Variants in ADAMTSL3 observed in about 807,000 individuals in gnomAD.
ADAMTSL3 encodes ADAMTS-like protein 3.
ADAMTSL3 carries 128 observed loss-of-function variants against 201.7 expected under a neutral mutation model. The observed-to-expected ratio is 0.63, with a 90% confidence interval of 0.55 to 0.73. The LOEUF is 0.73. Among genes scored for constraint, ADAMTSL3 ranks in the 30% least tolerant of loss-of-function variants. The pLI is 0.00. For missense variants in ADAMTSL3, 1,990 were observed against 2,119.6 expected, an observed-to-expected ratio of 0.94 and a Z score of 1.20; for synonymous variants, 738 against 748.4, an observed-to-expected ratio of 0.99 and a Z score of 0.23.
intron 2 of ADAMTSL3, among the ~76,000 whole-genome samples, chr15:83,690,087 G>T (rs540833515): frequency 2.6e-5 from 4 of 152,072 alleles, no homozygotes; most frequent in African/African-American, 9.6e-5. Flanking sequence ...ATTTTTTCTT[G>T]AGTTCTGAGA....
chr15:83,882,631 A>G (rs1400307155), intron 9 of ADAMTSL3, among the ~76,000 whole-genome samples: 2 of 152,104 alleles, frequency 1.3e-5, no homozygotes, highest in African/African-American at 2.4e-5. Context: ...TCATTGATTA[A>G]TGATTGGTCA....
intron 23 of ADAMTSL3, among the ~76,000 whole-genome samples, chr15:83,999,064 G>A (rs1030035294): frequency 3.3e-5 from 5 of 152,112 alleles, no homozygotes; most frequent in Non-Finnish European, 5.9e-5. Flanking sequence ...GGAAAGCATA[G>A]CAAAGTATCA....
At chr15:83,983,420 T>G (rs1469972201) in intron 21 of ADAMTSL3, 76 bp downstream of exon 21, 2 of 1,099,792 alleles carry the variant, frequency 1.8e-6, no homozygotes, top group Non-Finnish European at 2.6e-6. Context: ...TGAAAATATT[T>G]TCAAATTCCT....
At chr15:83,899,785 A>T in intron 15 of ADAMTSL3, 54 bp downstream of exon 15, 1 of 1,576,154 alleles carries the variant, frequency 6.3e-7, no homozygotes, top group South Asian at 1.2e-5. Context: ...TTAACATGAT[A>T]TATGTAATTT....
intron 23 of ADAMTSL3, among the ~76,000 whole-genome samples, chr15:84,013,890 C>G (rs1441427839): frequency 6.6e-6 from 1 of 152,236 alleles, no homozygotes. Flanking sequence ...GAAATTCTTT[C>G]AATTCCTCAT....
At chr15:83,697,012 A>G (rs1292635960) in intron 2 of ADAMTSL3, among the ~76,000 whole-genome samples, 1 of 152,112 alleles carries the variant, frequency 6.6e-6, no homozygotes, top group Non-Finnish European at 1.5e-5. Context: ...GCGGTGTGAT[A>G]TTTGGCTGTG....
At chr15:83,998,126 G>A (rs2067722712) in intron 23 of ADAMTSL3, among the ~76,000 whole-genome samples, 1 of 152,070 alleles carries the variant, frequency 6.6e-6, no homozygotes, top group South Asian at 2.1e-4. Flanking sequence ...GAAAAATCCA[G>A]TTACCTATAT....
At chr15:83,847,653 G>A (rs2064527978) in intron 7 of ADAMTSL3, among the ~76,000 whole-genome samples, 1 of 151,940 alleles carries the variant, frequency 6.6e-6, no homozygotes. Flanking sequence ...GTGCCACCAT[G>A]CCCGGCTAAT....
intron 19 of ADAMTSL3, among the ~76,000 whole-genome samples, chr15:83,963,689 C>T (rs535635419): frequency 6.6e-6 from 1 of 152,360 alleles, no homozygotes; most frequent in South Asian, 2.1e-4. Flanking sequence ...AAGTGGGTCC[C>T]TGACCCCTGC....
intron 23 of ADAMTSL3, among the ~76,000 whole-genome samples, chr15:84,011,472 G>A (rs546587156): frequency 6.6e-6 from 1 of 152,192 alleles, no homozygotes; most frequent in Non-Finnish European, 1.5e-5. Flanking sequence ...TGGAGGATGG[G>A]AAGTCCAAGA....
At chr15:83,856,179 T>C (rs541018705) in intron 7 of ADAMTSL3, among the ~76,000 whole-genome samples, 69 of 132,702 alleles carry the variant, frequency 5.2e-4, no homozygotes, top group Middle Eastern at 3.8e-3. Flanking sequence ...TTTTTTTTTT[T>C]CCCCCTGAGA....
chr15:83,690,959 G>A (rs1410781024), intron 2 of ADAMTSL3, among the ~76,000 whole-genome samples: 2 of 152,200 alleles, frequency 1.3e-5, no homozygotes, highest in African/African-American at 4.8e-5. Flanking sequence ...CTCACCAGTA[G>A]CAGTGGGGTG....
At chr15:83,912,044 TATTCTA>T (rs1171102870) in intron 15 of ADAMTSL3, among the ~76,000 whole-genome samples, 6 of 152,246 alleles carry the variant, frequency 3.9e-5, no homozygotes, top group Non-Finnish European at 8.8e-5. Context: ...TTTCAAAACT[TATTCTA>T]TTACTGAACT....
intron 22 of ADAMTSL3, 69 bp downstream of exon 22, chr15:83,988,887 ATTT>A: frequency 3.7e-6 from 3 of 809,892 alleles, no homozygotes; most frequent in Non-Finnish European, 3.1e-6. Context: ...TTATTTATTT[ATTT>A]TTTTTTTTTG....
chr15:83,979,372 G>A (rs2067346006), intron 20 of ADAMTSL3, among the ~76,000 whole-genome samples: 1 of 152,214 alleles, frequency 6.6e-6, no homozygotes, highest in Non-Finnish European at 1.5e-5. Flanking sequence ...GCCAGACAGT[G>A]TCCACCTGGA....
In ADAMTSL3 at chr15:84,023,603, TG is replaced by T. The variant is rs199658449; in HGVS notation, c.4458-1633del. Among the ~76,000 whole-genome samples the T allele has an allele frequency of 4.0e-3, 608 of 152,358 alleles. 4 individuals are homozygous for T. Among genetic ancestry groups the T allele is most frequent in the African/African-American group, 0.013 (549 of 41,592 alleles). On this transcript the variant is annotated intron_variant, in intron 26 of 29. Transcript: ENST00000286744. ...GCAGCAAACTCATGCTTCAGTAACT[TG>T]GAGTAACCTGATTGAGAAAGCTGTT...
intron 20 of ADAMTSL3, among the ~76,000 whole-genome samples, chr15:83,975,097 G>T (rs959601865): frequency 3.3e-5 from 5 of 150,298 alleles, no homozygotes; most frequent in African/African-American, 1.2e-4. Context: ...TGCCTCCCGG[G>T]TTCACGCCAT....
At chr15:83,726,796 G>C (rs959282343) in intron 3 of ADAMTSL3, among the ~76,000 whole-genome samples, 2 of 151,648 alleles carry the variant, frequency 1.3e-5, no homozygotes, top group Admixed American at 6.6e-5. Flanking sequence ...CAGTTTGCTA[G>C]TATTTTGTTG....
chr15:83,817,030 T>C (rs906385370), intron 5 of ADAMTSL3, among the ~76,000 whole-genome samples: 1 of 152,220 alleles, frequency 6.6e-6, no homozygotes, highest in Non-Finnish European at 1.5e-5. Context: ...CTTCTTCAGT[T>C]TGACTTGCTT....
Sources: allele counts gnomAD v4.1 joint callset (sites outside exome capture counted in the v4.1 genomes callset), GRCh38; gene constraint gnomAD v4.1.1; transcripts MANE v1.5; gene names NCBI Gene and HGNC (gene_info 2026-07-23, HGNC 2026-07-21).